FLT1: variants seen among roughly 807,000 people sequenced by gnomAD.
The protein encoded by FLT1 is fms related receptor tyrosine kinase 1, also known as vascular endothelial growth factor receptor 1.
A neutral mutation model predicts 156.3 loss-of-function variants in FLT1; 49 were observed. The ratio of observed to expected loss-of-function variants is 0.31; its 90% CI spans 0.25 to 0.40. FLT1 has a LOEUF of 0.40. Among genes scored for constraint, FLT1 ranks in the 10% least tolerant of loss-of-function variants. The probability of loss-of-function intolerance (pLI) is 1.00; values close to 1 mark genes in which losing one functional copy is unlikely to be tolerated. For missense variants in FLT1, 1,322 were observed against 1,637.2 expected (o/e 0.81, Z 3.32); for synonymous variants, 594 against 583.8 (o/e 1.02, Z -0.25).
intron 1 of FLT1, among the ~76,000 whole-genome samples, chr13:28,493,608 T>C (rs941828597): frequency 1.3e-5 from 2 of 152,256 alleles, no homozygotes; most frequent in African/African-American, 4.8e-5. Flanking sequence ...TTACTATATT[T>C]TATTTCATAT....
intron 10 of FLT1, among the ~76,000 whole-genome samples, chr13:28,415,506 A>T (rs1425111322): frequency 6.6e-6 from 1 of 152,080 alleles, no homozygotes; most frequent in African/African-American, 2.4e-5. Context: ...TAATAATAGC[A>T]CCATTTTATT....
At chr13:28,381,112 A>G (rs1273083101) in intron 14 of FLT1, among the ~76,000 whole-genome samples, 3 of 152,174 alleles carry the variant, frequency 2.0e-5, no homozygotes, top group Non-Finnish European at 4.4e-5. Flanking sequence ...TAAGCTTCCC[A>G]AATCATTTTA....
intron 10 of FLT1, 134 bp downstream of exon 10, chr13:28,427,025 C>A: frequency 1.2e-6 from 1 of 827,856 alleles, no homozygotes; most frequent in East Asian, 2.5e-5. Flanking sequence ...CACCTTTTTC[C>A]AAGGCAGGGA....
intron 12 of FLT1, among the ~76,000 whole-genome samples, chr13:28,390,678 T>C (rs1181164508): frequency 6.6e-6 from 1 of 152,194 alleles, no homozygotes; most frequent in Non-Finnish European, 1.5e-5. Flanking sequence ...ATTACAGGCA[T>C]GAGCCACTGC....
At position 28,407,245 on chromosome 13, in the gene FLT1, T is replaced by A. The variant is rs562694409; in HGVS notation, c.1437-1351A>T. 3.6e-4 allele frequency among the ~76,000 whole-genome samples: 55 copies of A among 152,314 alleles called. No individual in the cohort carries two copies. In the Middle Eastern group the frequency reaches 0.017, roughly 47 times the overall value. ...TTGTTTTTGCTAAGAGTTTCTACTT[T>A]CTTTAATTGTTTATTATTATCAAAC... is the stretch of plus-strand genomic sequence containing the variant. On this transcript the variant is annotated intron_variant, in intron 10 of 29. Coordinates refer to ENST00000282397, the MANE Select transcript of FLT1 (RefSeq NM_002019.4).
rs1402291183 is a variant in FLT1 at position 28,306,775 on chromosome 13, A to AG, written c.3721-4dup. 13 of 1,605,540 alleles carry AG rather than the reference A, an allele frequency of 8.1e-6. No homozygotes were observed. The highest frequency in any genetic ancestry group is 9.4e-6 in the Non-Finnish European group (11 of 1,172,528). On this transcript the variant is annotated splice_polypyrimidine_tract_variant and splice_region_variant and intron_variant, in intron 28 of 29. Coordinates refer to ENST00000282397, the MANE Select transcript of FLT1 (RefSeq NM_002019.4). ...GTGCTGCTGTCGCCCTGGTAGTCCT[A>AG]GGGGGAGAAGGAGAAAGGTTATACT...
intron 1 of FLT1, among the ~76,000 whole-genome samples, chr13:28,473,342 C>T (rs1005440230): frequency 4.0e-5 from 6 of 151,710 alleles, no homozygotes; most frequent in Non-Finnish European, 5.9e-5. Flanking sequence ...TTACCTATAA[C>T]AGCCAAAAAG....
Position 28,390,022 on chromosome 13 carries a change from C to T in FLT1, c.1743G>A (p.Lys581=), listed in dbSNP as rs777698964. ...TCCAAGTAACGTCTCTGTATAAGAACTTGTTAACTGTGCAAGACAGTTTCA... is the reference window on the plus strand; with the variant it reads ...TCCAAGTAACGTCTCTGTATAAGAATTTGTTAACTGTGCAAGACAGTTTCA... ...EDLKLSCTVN[K]FLYRDVTWIL... is the part of the protein sequence containing the mutation. The change falls in exon 13 of 30, where the codon AAG becomes AAA. Residue 581 remains lysine, a synonymous_variant. Coordinates refer to ENST00000282397, the MANE Select transcript of FLT1 (RefSeq NM_002019.4). The T allele has an allele frequency of 1.9e-6, 3 of 1,614,178 alleles. No individual in the cohort carries two copies. In the Admixed American group the frequency reaches 5.0e-5, roughly 27 times the overall value.
chr13:28,366,130 C>A (rs962566137), intron 14 of FLT1, among the ~76,000 whole-genome samples: 1 of 151,952 alleles, frequency 6.6e-6, no homozygotes, highest in Non-Finnish European at 1.5e-5. Context: ...AATGTTAAAG[C>A]TCATGATTCT....
chr13:28,431,012 C>T, intron 7 of FLT1, 124 bp downstream of exon 7: 1 of 865,854 alleles, frequency 1.2e-6, no homozygotes, highest in South Asian at 1.4e-5. Context: ...GAACCATGGC[C>T]AAGCTGTATT....
In FLT1 at chr13:28,440,185, GT is replaced by G. The variant is rs559707686; in HGVS notation, c.389-1841del. On this transcript the variant is annotated intron_variant, in intron 3 of 29. Transcript: ENST00000282397. ...TACAACACGGTCCACAGAACCAGCA[GT>G]TTTTTTCTCTGGGTACTCCTTGGAT... Among the ~76,000 whole-genome samples the G allele has an allele frequency of 6.5e-3, 994 of 152,288 alleles. 10 individuals are homozygous for G. The highest frequency in any genetic ancestry group is 0.022 in the African/African-American group (900 of 41,552).
intron 25 of FLT1, among the ~76,000 whole-genome samples, chr13:28,313,500 G>A (rs1034727851): frequency 2.0e-5 from 3 of 152,194 alleles, no homozygotes; most frequent in African/African-American, 7.2e-5. Flanking sequence ...AAGGGACTCT[G>A]ACTTACACTC....
chr13:28,474,480 C>CCACAGA (rs1491366291), intron 1 of FLT1, among the ~76,000 whole-genome samples: 2 of 102,066 alleles, frequency 2.0e-5, no homozygotes, highest in African/African-American at 1.1e-4. Flanking sequence ...AACAAAACAA[C>CCACAGA]CACAGACACA....
At chr13:28,357,739 G>A in intron 14 of FLT1, 54 bp from the exon 15 acceptor site, 1 of 1,539,944 alleles carries the variant, frequency 6.5e-7, no homozygotes, top group Admixed American at 1.7e-5. Context: ...ACAAAAAACA[G>A]CTACTTCTGT....
chr13:28,345,433 C>G lies in FLT1; in HGVS notation c.2355+12G>C, dbSNP rs1382808966. The G allele has an allele frequency of 6.7e-7, 1 of 1,496,930 alleles. No individual in the cohort carries two copies. Among genetic ancestry groups the G allele is most frequent in the Non-Finnish European group, 9.3e-7 (1 of 1,075,936 alleles). The allele number at this position is 1,496,930 out of a possible 1,614,324, so 92.7% of individuals were successfully genotyped here. On this transcript the variant is annotated intron_variant, in intron 16 of 29. Coordinates refer to ENST00000282397, the MANE Select transcript of FLT1 (RefSeq NM_002019.4). ...TGTAAAAAGGAGCATAGAACATCAC[C>G]TATGTTCTTACCCTTTTCATTTTTC...
chr13:28,487,253 TAG>T (rs1881216191), intron 1 of FLT1, among the ~76,000 whole-genome samples: 1 of 150,650 alleles, frequency 6.6e-6, no homozygotes. Context: ...ACCACGGCCC[TAG>T]AGAGAGGCAA....
At chr13:28,411,519 C>T (rs1876176226) in intron 10 of FLT1, among the ~76,000 whole-genome samples, 1 of 142,372 alleles carries the variant, frequency 7.0e-6, no homozygotes, top group Non-Finnish European at 1.5e-5. Context: ...GCGCTCCAGC[C>T]TGGTCAAGAA....
intron 14 of FLT1, among the ~76,000 whole-genome samples, chr13:28,367,253 G>A (rs530440768): frequency 2.6e-5 from 4 of 152,306 alleles, no homozygotes; most frequent in East Asian, 1.9e-4. Context: ...GGTTTTATGC[G>A]TTTGCTAAAG....
chr13:28,470,933 C>A (rs918085736), intron 1 of FLT1, among the ~76,000 whole-genome samples: 1 of 152,060 alleles, frequency 6.6e-6, no homozygotes, highest in Non-Finnish European at 1.5e-5. Flanking sequence ...TCAGGTGATC[C>A]GCCCACCTCG....
Sources: gnomAD v4.1 joint callset for allele counts (sites outside exome capture counted in the v4.1 genomes callset) on GRCh38, gnomAD v4.1.1 for gene constraint, MANE v1.5 for transcripts, NCBI Gene and HGNC (gene_info 2026-07-23, HGNC 2026-07-21) for gene names.